The following CDH13 variants were observed in gnomAD, a reference collection of about 807,000 sequenced individuals.
CDH13 encodes the protein cadherin 13.
In CDH13, 24 loss-of-function variants were observed where a neutral mutation model predicts 63.8. That is an observed-to-expected ratio of 0.38 (90% CI 0.27 to 0.53). The LOEUF is 0.53. CDH13 is among the 20% of genes least tolerant of loss of function. The pLI is 0.85. For synonymous variants in CDH13, 503 were observed against 355.3 expected, an observed-to-expected ratio of 1.42 and a Z score of -4.67; for missense variants, 1,049 against 903.1, an observed-to-expected ratio of 1.16 and a Z score of -2.07.
intron 10 of CDH13, chr16:83,710,370 A>C (rs982557810): frequency 1.3e-5 from 2 of 152,226 alleles, no homozygotes; most frequent in African/African-American, 4.8e-5. Context: ...CCCTGACTGC[A>C]AGCTTGGTCT....
intron 4 of CDH13, among the ~76,000 whole-genome samples, chr16:83,139,933 C>G (rs1032138529): frequency 3.9e-5 from 6 of 152,080 alleles, no homozygotes; most frequent in African/African-American, 1.4e-4. Flanking sequence ...ACCCAGGAGG[C>G]AGAAGTTGTG....
chr16:82,991,534 C>T (rs920389061), intron 2 of CDH13, among the ~76,000 whole-genome samples: 2 of 152,106 alleles, frequency 1.3e-5, no homozygotes, highest in Non-Finnish European at 2.9e-5. Context: ...CAATTTAGCT[C>T]TTATAAAACA....
intron 8 of CDH13, among the ~76,000 whole-genome samples, chr16:83,667,315 A>C (rs1297966915): frequency 6.6e-6 from 1 of 152,144 alleles, no homozygotes; most frequent in African/African-American, 2.4e-5. Flanking sequence ...CAGACATAAA[A>C]CTATCAGTGT....
At chr16:83,786,484 G>C (rs904186047) in intron 13 of CDH13, among the ~76,000 whole-genome samples, 5 of 152,176 alleles carry the variant, frequency 3.3e-5, no homozygotes, top group African/African-American at 1.2e-4. Flanking sequence ...CGCATGGACA[G>C]ACAGATGGAT....
At chr16:83,768,456 A>G (rs1332597794) in intron 11 of CDH13, among the ~76,000 whole-genome samples, 1 of 152,220 alleles carries the variant, frequency 6.6e-6, no homozygotes, top group Non-Finnish European at 1.5e-5. Context: ...GCAGAGAAAC[A>G]GGTTTAATCA....
At chr16:83,232,551 A>AC (rs1240630344) in intron 5 of CDH13, among the ~76,000 whole-genome samples, 1 of 118,740 alleles carries the variant, frequency 8.4e-6, no homozygotes, top group African/African-American at 3.0e-5. Flanking sequence ...ACAACAAACA[A>AC]ACAAAAAAAA....
chr16:83,411,638 T>C (rs751368978), intron 6 of CDH13, among the ~76,000 whole-genome samples: 1 of 152,248 alleles, frequency 6.6e-6, no homozygotes. Context: ...CCTATGATAC[T>C]GCAAAGACCA....
chr16:83,449,748 A>G (rs1184005371), intron 6 of CDH13, among the ~76,000 whole-genome samples: 1 of 152,192 alleles, frequency 6.6e-6, no homozygotes, highest in Non-Finnish European at 1.5e-5. Flanking sequence ...CATCTTGGAC[A>G]AATCCTTTAT....
chr16:83,359,860 C>G (rs1454414519), intron 6 of CDH13, among the ~76,000 whole-genome samples: 2 of 152,098 alleles, frequency 1.3e-5, no homozygotes, highest in Non-Finnish European at 2.9e-5. Flanking sequence ...TTAATATATT[C>G]ACAGAATTGT....
intron 3 of CDH13, among the ~76,000 whole-genome samples, chr16:83,106,629 T>C (rs1438712255): frequency 6.6e-6 from 1 of 152,172 alleles, no homozygotes; most frequent in Non-Finnish European, 1.5e-5. Context: ...ACAAGATGTA[T>C]TGTGCCGCAA....
intron 8 of CDH13, among the ~76,000 whole-genome samples, chr16:83,612,977 T>G (rs538823483): frequency 1.4e-4 from 21 of 152,348 alleles, no homozygotes; most frequent in African/African-American, 4.8e-4. Flanking sequence ...TTAAAAATAC[T>G]GCAAGTCTGC....
intron 4 of CDH13, among the ~76,000 whole-genome samples, chr16:83,138,483 A>C (rs933688382): frequency 3.9e-5 from 6 of 152,224 alleles, no homozygotes; most frequent in African/African-American, 1.2e-4. Flanking sequence ...CTCTCCAGGC[A>C]GTGGGAAGAA....
At chr16:83,328,455 G>C (rs1448827103) in intron 5 of CDH13, among the ~76,000 whole-genome samples, 5 of 152,188 alleles carry the variant, frequency 3.3e-5, no homozygotes, top group African/African-American at 1.2e-4. Context: ...TGAGAACTTA[G>C]AAGACAATTG....
At chr16:82,663,418 C>T (rs1172544425) in intron 1 of CDH13, among the ~76,000 whole-genome samples, 1 of 152,146 alleles carries the variant, frequency 6.6e-6, no homozygotes, top group African/African-American at 2.4e-5. Flanking sequence ...CTCCCGACCT[C>T]AGATAATCCA....
chr16:83,327,258 A>G (rs1312978564), intron 5 of CDH13, among the ~76,000 whole-genome samples: 1 of 152,210 alleles, frequency 6.6e-6, no homozygotes, highest in Non-Finnish European at 1.5e-5. Context: ...TCCCATGTAA[A>G]ATATTTTTGC....
chr16:82,678,261 T>C (rs988385181), intron 1 of CDH13, among the ~76,000 whole-genome samples: 3 of 151,808 alleles, frequency 2.0e-5, no homozygotes, highest in African/African-American at 4.8e-5. Flanking sequence ...AGAATAAATA[T>C]AAATATTGCT....
intron 8 of CDH13, among the ~76,000 whole-genome samples, chr16:83,649,348 C>G (rs560899943): frequency 6.6e-6 from 1 of 152,344 alleles, no homozygotes; most frequent in East Asian, 1.9e-4. Flanking sequence ...TTTGTGCTCC[C>G]TACCTTCATT....
At chr16:83,222,868 T>G (rs1441932732) in intron 5 of CDH13, among the ~76,000 whole-genome samples, 1 of 152,066 alleles carries the variant, frequency 6.6e-6, no homozygotes, top group African/African-American at 2.4e-5. Flanking sequence ...TAGGGCAAGG[T>G]TTTTCAACAG....
intron 2 of CDH13, among the ~76,000 whole-genome samples, chr16:82,961,194 G>A (rs953087073): frequency 2.6e-4 from 40 of 152,164 alleles, no homozygotes; most frequent in African/African-American, 9.4e-4. Context: ...GGACACTGAG[G>A]CCCAGAGATG....
Sources: gnomAD v4.1 joint callset for allele counts (sites outside exome capture counted in the v4.1 genomes callset) on GRCh38, gnomAD v4.1.1 for gene constraint, MANE v1.5 for transcripts, NCBI Gene and HGNC (gene_info 2026-07-23, HGNC 2026-07-21) for gene names.